Variants in SPPL2A observed in about 807,000 individuals in gnomAD.
The protein encoded by SPPL2A is signal peptide peptidase like 2A, also known as signal peptide peptidase-like 2A.
Under a neutral mutation model 63.8 loss-of-function variants are expected in SPPL2A, and 51 were observed. The ratio of observed to expected loss-of-function variants is 0.80; its 90% confidence interval spans 0.64 to 1.01. The LOEUF (loss-of-function observed/expected upper bound fraction) is 1.01. SPPL2A is among the 50% of genes least tolerant of loss of function. The pLI is 0.00. For missense variants in SPPL2A, 553 were observed against 622.7 expected (o/e 0.89, Z 1.19); for synonymous variants, 188 against 205.8 (o/e 0.91, Z 0.74).
intron 12 of SPPL2A, among the ~76,000 whole-genome samples, chr15:50,723,044 C>T (rs1217777734): frequency 6.6e-6 from 1 of 152,126 alleles, no homozygotes; most frequent in Non-Finnish European, 1.5e-5. Context: ...AAATAGCCAA[C>T]AGGTATATGA....
Position 50,726,304 on chromosome 15 carries a change from T to C in SPPL2A, c.1146+17A>G. 2 of 1,612,306 alleles carry C rather than the reference T, an allele frequency of 1.2e-6. No homozygotes were observed. The highest frequency in any genetic ancestry group is 1.1e-5 in the South Asian group (1 of 91,036). ...ACATACACTGGATAGCCATTTCTAT[T>C]TCATTGCCATCCCTACCTTTTCATT... On this transcript the variant is annotated intron_variant, in intron 11 of 14. Coordinates refer to ENST00000261854, the MANE Select transcript of SPPL2A (RefSeq NM_032802.4).
rs2063051055 is a variant in SPPL2A, at chr15:50,765,449, C to T, written c.66+19G>A. 2 of 1,498,384 alleles carry T rather than the reference C, an allele frequency of 1.3e-6. No homozygotes were observed. Among genetic ancestry groups the T allele is most frequent in the Non-Finnish European group, 8.8e-7 (1 of 1,130,872 alleles). The allele number at this position is 1,498,384 out of a possible 1,614,324, so 92.8% of individuals were successfully genotyped here. ...CCGCCCAGCCCCTGGGAGGCCTGCG[C>T]GCCTTCCCGCCCCCTTACCAGCTGG... is the stretch of plus-strand genomic sequence containing the variant. On this transcript the variant is annotated intron_variant, in intron 1 of 14. Coordinates refer to ENST00000261854, the MANE Select transcript of SPPL2A (RefSeq NM_032802.4).
chr15:50,761,446 G>A (rs987550220), intron 1 of SPPL2A, among the ~76,000 whole-genome samples: 1 of 150,660 alleles, frequency 6.6e-6, no homozygotes, highest in Non-Finnish European at 1.5e-5. Context: ...AGAAACCCCC[G>A]TCTCTACTAA....
In SPPL2A at chr15:50,757,989, T is replaced by TTA. The variant is rs397960369; in HGVS notation, c.66+7478_66+7479insTA. Among the ~76,000 whole-genome samples, 109 of 61,358 alleles carry TTA rather than the reference T, an allele frequency of 1.8e-3. 1 individual carries two copies. The highest frequency in any genetic ancestry group is 0.01 in the Middle Eastern group (1 of 98). 40.3% of individuals were successfully genotyped at this position (61,358 alleles called of 152,430 possible). A position where few individuals can be genotyped will look rare whatever the true frequency, so the allele number is the denominator to read the frequency against. ...ACAGAGTGAGACTCCGTCTCAATTA[T>TTA]AAAAAAAAAAAAAAAAAGGCCGGGC... is the stretch of plus-strand genomic sequence containing the variant. On this transcript the variant is annotated intron_variant, in intron 1 of 14. Coordinates refer to ENST00000261854, the MANE Select transcript of SPPL2A (RefSeq NM_032802.4).
At chr15:50,716,302 CT>C (rs1263315366) in intron 14 of SPPL2A, among the ~76,000 whole-genome samples, 2 of 152,184 alleles carry the variant, frequency 1.3e-5, no homozygotes, top group Non-Finnish European at 2.9e-5. Context: ...TCAAGCACTT[CT>C]TCCGCCTCAG....
At chr15:50,730,072 A>G (rs1220107711) in intron 10 of SPPL2A, among the ~76,000 whole-genome samples, 1 of 152,150 alleles carries the variant, frequency 6.6e-6, no homozygotes, top group Non-Finnish European at 1.5e-5. Flanking sequence ...GGATAAATGG[A>G]TAATATAAAG....
chr15:50,704,535 T>C lies in SPPL2A; in HGVS notation c.*3265A>G, dbSNP rs2062496262. On this transcript the variant is annotated 3_prime_UTR_variant, in exon 15 of 15. Coordinates refer to ENST00000261854, the MANE Select transcript of SPPL2A (RefSeq NM_032802.4). Reference sequence around the variant, plus strand: ...TGTTCAAAGGGATTTTCTAACTTTTTTTTTTTTGCATCAAGAATTAATAAA... The same window carrying C: ...TGTTCAAAGGGATTTTCTAACTTTTCTTTTTTTGCATCAAGAATTAATAAA... The C allele has an allele frequency of 6.6e-6, 1 of 152,040 alleles. No individual in the cohort carries two copies. The highest frequency in any genetic ancestry group is 2.4e-5 in the African/African-American group (1 of 41,398). The allele number at this position is 152,040 out of a possible 1,614,324, so 9.4% of individuals were successfully genotyped here.
intron 5 of SPPL2A, among the ~76,000 whole-genome samples, chr15:50,745,656 T>G (rs1383109579): frequency 6.6e-6 from 1 of 150,778 alleles, no homozygotes; most frequent in Non-Finnish European, 1.5e-5. Context: ...CAAGCAATCC[T>G]CTCACCTCCA....
chr15:50,719,653 G>C (rs1291172438), intron 14 of SPPL2A, among the ~76,000 whole-genome samples: 1 of 151,798 alleles, frequency 6.6e-6, no homozygotes, highest in African/African-American at 2.4e-5. Flanking sequence ...CTTTCATGAA[G>C]TCTGCTTTTG....
At chr15:50,719,649 T>G (rs1244390725) in intron 14 of SPPL2A, among the ~76,000 whole-genome samples, 2 of 152,182 alleles carry the variant, frequency 1.3e-5, no homozygotes, top group Non-Finnish European at 2.9e-5. Flanking sequence ...TTATCTTTCA[T>G]GAAGTCTGCT....
At chr15:50,731,089 G>A (rs2062726792) in intron 9 of SPPL2A, 50 bp from the exon 10 acceptor site, 1 of 786,722 alleles carries the variant, frequency 1.3e-6, no homozygotes, top group Non-Finnish European at 2.2e-6. Flanking sequence ...AAATGTAAAT[G>A]AAGGCATTAA....
At chr15:50,724,735 T>C (rs945864679) in intron 12 of SPPL2A, among the ~76,000 whole-genome samples, 2 of 152,208 alleles carry the variant, frequency 1.3e-5, no homozygotes, top group Non-Finnish European at 2.9e-5. Context: ...AGAGCAGACA[T>C]GCTAAGAGAT....
At chr15:50,717,676 A>G (rs2062608043) in intron 14 of SPPL2A, among the ~76,000 whole-genome samples, 3 of 152,138 alleles carry the variant, frequency 2.0e-5, no homozygotes, top group Admixed American at 2.0e-4. Context: ...TCTACTCAGC[A>G]TTATAGCCAT....
intron 1 of SPPL2A, among the ~76,000 whole-genome samples, chr15:50,754,337 TTGA>T (rs769124280): frequency 2.9e-4 from 44 of 152,198 alleles, no homozygotes; most frequent in Non-Finnish European, 5.6e-4. Flanking sequence ...CCTATGGGTT[TTGA>T]TAAGTGTACA....
At chr15:50,732,158 C>T (rs2062736488) in intron 9 of SPPL2A, among the ~76,000 whole-genome samples, 1 of 151,852 alleles carries the variant, frequency 6.6e-6, no homozygotes, top group African/African-American at 2.4e-5. Context: ...GAATAACAGG[C>T]ACTGGGATAC....
At chr15:50,728,563 G>A (rs1047308224) in intron 10 of SPPL2A, among the ~76,000 whole-genome samples, 5 of 151,832 alleles carry the variant, frequency 3.3e-5, no homozygotes, top group African/African-American at 1.2e-4. Flanking sequence ...AGCCAGGATG[G>A]TCTCAATCTC....
intron 4 of SPPL2A, 35 bp downstream of exon 4, chr15:50,748,078 T>C: frequency 6.0e-6 from 5 of 834,954 alleles, no homozygotes; most frequent in Non-Finnish European, 8.9e-6. Flanking sequence ...ATACAGTATT[T>C]ATAAACTTTA....
Position 50,747,598 on chromosome 15 carries a change from A to C in SPPL2A, c.481T>G (p.Tyr161Asp). The C allele has an allele frequency of 6.2e-7, 1 of 1,609,202 alleles. No individual in the cohort carries two copies. The highest frequency in any genetic ancestry group is 8.5e-7 in the Non-Finnish European group (1 of 1,176,998). Residue 161 changes from tyrosine (Y) to aspartate (D), a missense_variant, in exon 5 of 15, where the codon TAT (tyrosine) becomes GAT (aspartate). Physicochemically the swap from Tyr to Asp is radical, Grantham distance 160. Coordinates refer to ENST00000261854, the MANE Select transcript of SPPL2A (RefSeq NM_032802.4). ...TCAAAGTTAGGCCACGATGGAGAAT[A>C]CATTTTCACAGTAATGTTATCTCCT... is the stretch of plus-strand genomic sequence containing the variant. Reference protein sequence around the residue: ...TLGDNITVKMYSPSWPNFDYT... With the variant: ...TLGDNITVKMDSPSWPNFDYT...
intron 1 of SPPL2A, among the ~76,000 whole-genome samples, chr15:50,756,987 T>A (rs902202348): frequency 6.6e-6 from 1 of 152,146 alleles, no homozygotes; most frequent in African/African-American, 2.4e-5. Flanking sequence ...TTCTCTGCAT[T>A]CGCTGTTAAC....
Sources: allele counts gnomAD v4.1 joint callset (sites outside exome capture counted in the v4.1 genomes callset), GRCh38; gene constraint gnomAD v4.1.1; transcripts MANE v1.5; gene names NCBI Gene and HGNC (gene_info 2026-07-23, HGNC 2026-07-21).